Variants in NEMP2 observed in about 807,000 individuals in gnomAD.
NEMP2 encodes the protein nuclear envelope integral membrane protein 2.
Under a neutral mutation model 54.2 loss-of-function variants are expected in NEMP2, and 53 were observed. The observed-to-expected ratio is 0.98, with a 90% CI of 0.78 to 1.23. NEMP2 has a LOEUF of 1.23. NEMP2 is among the 50% of genes most tolerant of loss of function. The pLI, the probability that NEMP2 is intolerant of heterozygous loss-of-function variation, is 0.00. For synonymous variants in NEMP2, 197 were observed against 190.3 expected, an observed-to-expected ratio of 1.04 and a Z score of -0.29; for missense variants, 455 against 511.3, an observed-to-expected ratio of 0.89 and a Z score of 1.06.
the NEMP2 span, among the ~76,000 whole-genome samples, chr2:190,614,615 C>T: frequency 6.6e-6 from 1 of 152,118 alleles, no homozygotes; most frequent in Non-Finnish European, 1.5e-5. The surrounding 1 kb of genome is among the most constrained non-coding windows in gnomAD (Gnocchi z 5.7). Flanking sequence ...GACCCAATAC[C>T]TCCCATTTTC....
chr2:190,640,620 A>G, the NEMP2 span, among the ~76,000 whole-genome samples: 1 of 152,180 alleles, frequency 6.6e-6, no homozygotes, highest in Non-Finnish European at 1.5e-5. Flanking sequence ...TTGCAGTTAT[A>G]TGCAAACGGA....
the NEMP2 span, among the ~76,000 whole-genome samples, chr2:190,444,460 C>CT: frequency 6.6e-6 from 1 of 152,212 alleles, no homozygotes; most frequent in African/African-American, 2.4e-5. Context: ...AATGAGTGCT[C>CT]TGTAGCAGTG....
chr2:190,568,863 T>C, the NEMP2 span, among the ~76,000 whole-genome samples: 91 of 151,700 alleles, frequency 6.0e-4, no homozygotes, highest in African/African-American at 2.2e-3. The surrounding 1 kb of genome is among the most constrained non-coding windows in gnomAD (Gnocchi z 4.7). Flanking sequence ...TCAATAATTA[T>C]CAGAGAAAAA....
the NEMP2 span, among the ~76,000 whole-genome samples, chr2:190,567,461 G>A: frequency 6.6e-6 from 1 of 151,922 alleles, no homozygotes; most frequent in Non-Finnish European, 1.5e-5. This position sits in a 1 kb window ranked among gnomAD's most constrained non-coding sequence, Gnocchi z 4.0. Flanking sequence ...CCCACACCAA[G>A]GCACATCATT....
At chr2:190,489,944 A>G in the NEMP2 span, 1 of 1,267,582 alleles carries the variant, frequency 7.9e-7, no homozygotes, top group Non-Finnish European at 1.1e-6. The surrounding 1 kb of genome is among the most constrained non-coding windows in gnomAD (Gnocchi z 6.6). Flanking sequence ...AGAAGCCTAG[A>G]AGTGGTACAG....
At chr2:190,459,311 G>A in the NEMP2 span, among the ~76,000 whole-genome samples, 1 of 152,154 alleles carries the variant, frequency 6.6e-6, no homozygotes, top group Non-Finnish European at 1.5e-5. The surrounding 1 kb of genome is among the most constrained non-coding windows in gnomAD (Gnocchi z 5.3). Flanking sequence ...CGATGAACTT[G>A]TTCAGCTTCG....
chr2:190,481,710 T>C, the NEMP2 span, among the ~76,000 whole-genome samples: 1 of 152,252 alleles, frequency 6.6e-6, no homozygotes, highest in Middle Eastern at 3.2e-3. Flanking sequence ...TAAATACTGT[T>C]GAATGCATGA....
At chr2:190,569,652 C>A in the NEMP2 span, among the ~76,000 whole-genome samples, 2 of 152,120 alleles carry the variant, frequency 1.3e-5, no homozygotes, top group Admixed American at 6.5e-5. Context: ...TTGAAAAACC[C>A]ACCTCTTTTC....
the NEMP2 span, among the ~76,000 whole-genome samples, chr2:190,487,353 C>G: frequency 3.9e-5 from 6 of 152,088 alleles, no homozygotes; most frequent in African/African-American, 1.4e-4. This position sits in a 1 kb window ranked among gnomAD's most constrained non-coding sequence, Gnocchi z 5.5. Context: ...CAAAACAAAA[C>G]AAAACATAAA....
chr2:190,450,518 GGTCTCACTCT>G, the NEMP2 span, among the ~76,000 whole-genome samples: 1 of 112,334 alleles, frequency 8.9e-6, no homozygotes, highest in East Asian at 2.4e-4. Flanking sequence ...TTGAGACAGG[GGTCTCACTCT>G]GTCTCCCAGG....
the NEMP2 span, among the ~76,000 whole-genome samples, chr2:190,446,302 G>A: frequency 6.6e-6 from 1 of 152,198 alleles, no homozygotes; most frequent in East Asian, 1.9e-4. Flanking sequence ...TAAAAGCCAG[G>A]TGGATGGACG....
upstream of NEMP2, chr2:190,534,793 C>T: frequency 1.2e-5 from 7 of 588,330 alleles, no homozygotes; most frequent in Non-Finnish European, 1.7e-5. Context: ...ACCCCGCCTC[C>T]CCGGGGCGGA....
the NEMP2 span, among the ~76,000 whole-genome samples, chr2:190,495,175 C>T: frequency 6.6e-6 from 1 of 150,632 alleles, no homozygotes; most frequent in Admixed American, 6.8e-5. The surrounding 1 kb of genome is among the most constrained non-coding windows in gnomAD (Gnocchi z 4.7). Context: ...AATTAATGTA[C>T]ACAAATCAGT....
At chr2:190,474,016 A>G in the NEMP2 span, among the ~76,000 whole-genome samples, 2 of 152,216 alleles carry the variant, frequency 1.3e-5, no homozygotes, top group Non-Finnish European at 2.9e-5. Flanking sequence ...TTTGAAACCA[A>G]CGAGAACAAA....
the NEMP2 span, among the ~76,000 whole-genome samples, chr2:190,602,710 G>A: frequency 6.6e-6 from 1 of 152,178 alleles, no homozygotes; most frequent in African/African-American, 2.4e-5. Flanking sequence ...ACCAGTCATT[G>A]TGGCCAAGGG....
chr2:190,462,512 T>C, the NEMP2 span, among the ~76,000 whole-genome samples: 1 of 152,206 alleles, frequency 6.6e-6, no homozygotes, highest in Non-Finnish European at 1.5e-5. This position sits in a 1 kb window ranked among gnomAD's most constrained non-coding sequence, Gnocchi z 5.7. Context: ...ATTCATGGAG[T>C]GCCTGAGCAA....
At chr2:190,546,387 T>A in the NEMP2 span, among the ~76,000 whole-genome samples, 1 of 152,162 alleles carries the variant, frequency 6.6e-6, no homozygotes, top group Non-Finnish European at 1.5e-5. This position sits in a 1 kb window ranked among gnomAD's most constrained non-coding sequence, Gnocchi z 5.1. Flanking sequence ...GGAAGATGAA[T>A]GTAGGCTATA....
rs1421648828 is a variant in NEMP2 at position 190,505,841 on chromosome 2, AC to A, written c.*3347del. On this transcript the variant is annotated 3_prime_UTR_variant, in exon 9 of 9. Coordinates refer to ENST00000409150, the MANE Select transcript of NEMP2 (RefSeq NM_001142645.2). This position sits in a 1 kb window ranked among gnomAD's most constrained non-coding sequence, Gnocchi z 5.8. ...AGGAAGGCGTGGTCTTTGTCAACAGACCTGGTATCTCATCCCATTAACAAGG... is the reference window on the plus strand; with the variant it reads ...AGGAAGGCGTGGTCTTTGTCAACAGACTGGTATCTCATCCCATTAACAAGG... 1.3e-5 allele frequency: 2 copies of A among 152,216 alleles called. No homozygotes were observed. Among genetic ancestry groups the A allele is most frequent in the Non-Finnish European group, 2.9e-5 (2 of 68,048 alleles). The allele number at this position is 152,216 out of a possible 1,614,324, so 9.4% of individuals were successfully genotyped here.
chr2:190,612,824 T>TA, the NEMP2 span, among the ~76,000 whole-genome samples: 11 of 152,288 alleles, frequency 7.2e-5, no homozygotes, highest in South Asian at 1.9e-3. Flanking sequence ...GTTTTATATA[T>TA]AAAAAACCTT....
Sources: gnomAD v4.1 joint callset for allele counts (sites outside exome capture counted in the v4.1 genomes callset) on GRCh38, gnomAD v4.1.1 for gene constraint, Gnocchi (gnomAD v3.1) non-coding constraint, MANE v1.5 for transcripts, NCBI Gene and HGNC (gene_info 2026-07-23, HGNC 2026-07-21) for gene names.